Variants in PPP1R1C observed in about 807,000 individuals in gnomAD.
PPP1R1C encodes the protein protein phosphatase 1 regulatory subunit 1C.
A neutral mutation model predicts 17.4 loss-of-function variants in PPP1R1C; 15 were observed. The ratio of observed to expected loss-of-function variants is 0.86; its 90% CI spans 0.58 to 1.33. PPP1R1C has a LOEUF of 1.33. PPP1R1C is among the 40% of genes most tolerant of loss of function. PPP1R1C has a pLI of 0.00. For synonymous variants in PPP1R1C, 35 were observed against 43.1 expected (o/e 0.81, Z 0.73); for missense variants, 143 against 130.0 (o/e 1.10, Z -0.48).
intron 2 of PPP1R1C, chr2:182,023,974 A>G (rs1204018207): frequency 6.6e-6 from 1 of 152,148 alleles, no homozygotes; most frequent in South Asian, 2.1e-4. Flanking sequence ...ACAGGCATAA[A>G]AAGCAAATTT....
rs367656656 is a variant in PPP1R1C, at chr2:182,024,853, T to A, written c.143-36589T>A. On this transcript the variant is annotated intron_variant, in intron 2 of 4. Transcript: ENST00000682840. ...CTGGGCAACAAAGCAAGAATCTGTC[T>A]CAAAAAACAAACAAACAAACAAACA... Among the ~76,000 whole-genome samples, 95 of 141,870 alleles carry A rather than the reference T, an allele frequency of 6.7e-4. 2 individuals carry two copies. The highest frequency in any genetic ancestry group is 2.4e-3 in the African/African-American group (92 of 38,750). The allele number at this position is 141,870 out of a possible 152,430, so 93.1% of individuals were successfully genotyped here. A position where few individuals can be genotyped will look rare whatever the true frequency, so the allele number is the denominator to read the frequency against.
intron 2 of PPP1R1C, among the ~76,000 whole-genome samples, chr2:182,010,026 G>C (rs2125154767): frequency 6.6e-6 from 1 of 152,028 alleles, no homozygotes; most frequent in African/African-American, 2.4e-5. Flanking sequence ...GGTTACTATA[G>C]CTCTGTAGTA....
intron 4 of PPP1R1C, among the ~76,000 whole-genome samples, chr2:182,087,057 C>A (rs1688648920): frequency 6.6e-6 from 1 of 152,180 alleles, no homozygotes; most frequent in Non-Finnish European, 1.5e-5. Flanking sequence ...ATCCAAGCTA[C>A]CAGGAAATCC....
At chr2:181,984,756 C>T (rs138862059), upstream of PPP1R1C, among the ~76,000 whole-genome samples, 222 of 152,204 alleles carry the variant, frequency 1.5e-3, no homozygotes, top group Admixed American at 2.7e-3. Context: ...GAATCATAGT[C>T]GATGTCTAAA....
rs142991124 is a variant in PPP1R1C, at chr2:182,031,672, C to T, written c.143-29770C>T. 1.1e-4 allele frequency among the ~76,000 whole-genome samples: 17 copies of T among 152,232 alleles called. No homozygotes were observed. The East Asian group carries it at 3.1e-3, about 28-fold the overall frequency. ...ATCAAATATCATTTTAGTCCCATTG[C>T]AATATGAACACTGATACAGCTCTTT... On this transcript the variant is annotated intron_variant, in intron 2 of 4. Coordinates refer to ENST00000682840, the MANE Select transcript of PPP1R1C (RefSeq NM_001080545.3).
chr2:182,033,026 C>A (rs1245084841), intron 2 of PPP1R1C, among the ~76,000 whole-genome samples: 1 of 152,140 alleles, frequency 6.6e-6, no homozygotes, highest in Non-Finnish European at 1.5e-5. Flanking sequence ...TCACTCCACT[C>A]CAATTGCTTT....
chr2:181,991,892 C>A (rs147133957), intron 2 of PPP1R1C, among the ~76,000 whole-genome samples: 113 of 152,160 alleles, frequency 7.4e-4, no homozygotes, highest in African/African-American at 2.5e-3. Flanking sequence ...ATCTAGAGAG[C>A]TGCTTATGTG....
chr2:182,062,727 AAAGAGGCCTCAAGCTCTATTTAC>A (rs1687884779), intron 3 of PPP1R1C, among the ~76,000 whole-genome samples: 1 of 152,138 alleles, frequency 6.6e-6, no homozygotes, highest in African/African-American at 2.4e-5. Flanking sequence ...AAGCACAAGG[AAAGAGGCCTCAAGCTCTATTTAC>A]AACTTTGTAA....
At chr2:182,042,782 A>G (rs918792798) in intron 2 of PPP1R1C, among the ~76,000 whole-genome samples, 8 of 152,220 alleles carry the variant, frequency 5.3e-5, no homozygotes, top group African/African-American at 1.9e-4. Flanking sequence ...GCATCAAGTC[A>G]TGAGACAAAC....
chr2:182,005,541 T>C (rs897121859), intron 2 of PPP1R1C, among the ~76,000 whole-genome samples: 2 of 152,224 alleles, frequency 1.3e-5, no homozygotes, highest in African/African-American at 4.8e-5. Flanking sequence ...ACAAGTTATC[T>C]AAATATGGTT....
chr2:182,067,192 C>CA (rs1186579897), intron 4 of PPP1R1C, among the ~76,000 whole-genome samples: 1 of 152,062 alleles, frequency 6.6e-6, no homozygotes, highest in African/African-American at 2.4e-5. Context: ...TTTTTCCTCC[C>CA]ATTCTTCATG....
chr2:182,124,265 G>C (rs1301002912), intron 5 of PPP1R1C, among the ~76,000 whole-genome samples: 1 of 142,708 alleles, frequency 7.0e-6, no homozygotes, highest in Non-Finnish European at 1.5e-5. Flanking sequence ...TACCTTTGTA[G>C]TATAGTTTGA....
intron 4 of PPP1R1C, 159 bp downstream of exon 4, chr2:182,063,950 C>T (rs1687916292): frequency 1.9e-6 from 1 of 529,562 alleles, no homozygotes; most frequent in Non-Finnish European, 3.4e-6. Context: ...CTACTTAAAA[C>T]TTAGTTTCAT....
At chr2:182,011,715 A>T (rs561976745) in intron 2 of PPP1R1C, among the ~76,000 whole-genome samples, 1 of 151,954 alleles carries the variant, frequency 6.6e-6, no homozygotes, top group South Asian at 2.1e-4. Flanking sequence ...AAGGTTGGTT[A>T]TTTGAAGTTC....
chr2:182,017,978 A>C (rs1042954153), intron 2 of PPP1R1C, among the ~76,000 whole-genome samples: 6 of 152,164 alleles, frequency 3.9e-5, no homozygotes, highest in African/African-American at 1.4e-4. Context: ...ATAAAAGAAC[A>C]TGGTTATAAT....
At chr2:181,958,928 ATTTCT>A (rs1300665439) in intron 1 of PPP1R1C, among the ~76,000 whole-genome samples, 1 of 152,176 alleles carries the variant, frequency 6.6e-6, no homozygotes, top group Non-Finnish European at 1.5e-5. Context: ...GCTGTTATAA[ATTTCT>A]TTTAAGTGTA....
intron 4 of PPP1R1C, among the ~76,000 whole-genome samples, chr2:182,087,091 T>G (rs545037490): frequency 6.6e-6 from 1 of 152,354 alleles, no homozygotes; most frequent in African/African-American, 2.4e-5. Flanking sequence ...CTCAAAAAAA[T>G]ATACAATTAC....
intron 2 of PPP1R1C, among the ~76,000 whole-genome samples, chr2:182,029,387 A>G (rs1251270523): frequency 6.6e-6 from 1 of 151,236 alleles, no homozygotes; most frequent in Non-Finnish European, 1.5e-5. Flanking sequence ...TTCCTTCAGG[A>G]GCTCTTTTAG....
chr2:182,026,340 T>C (rs1330039217), intron 2 of PPP1R1C, among the ~76,000 whole-genome samples: 2 of 143,028 alleles, frequency 1.4e-5, no homozygotes, highest in African/African-American at 2.6e-5. Context: ...TTTATGGTTT[T>C]AGGTCTAACG....
Sources: gnomAD v4.1 joint callset for allele counts (sites outside exome capture counted in the v4.1 genomes callset) on GRCh38, gnomAD v4.1.1 for gene constraint, MANE v1.5 for transcripts, NCBI Gene and HGNC (gene_info 2026-07-23, HGNC 2026-07-21) for gene names.